EHMT2: variants seen among roughly 807,000 people sequenced by gnomAD.
The protein encoded by EHMT2 is euchromatic histone lysine methyltransferase 2.
In EHMT2, 59 loss-of-function variants were observed where a neutral mutation model predicts 143.3. The ratio of observed to expected loss-of-function variants is 0.41; its 90% CI spans 0.33 to 0.51. The LOEUF (loss-of-function observed/expected upper bound fraction) is 0.51, where lower values mean the gene tolerates loss of function less well. EHMT2 is among the 20% of genes least tolerant of loss of function. The probability of loss-of-function intolerance (pLI) is 0.18; values close to 1 mark genes in which losing one functional copy is unlikely to be tolerated. For missense variants in EHMT2, 1,174 were observed against 1,645.9 expected (o/e 0.71, Z 4.96); for synonymous variants, 604 against 651.5 (o/e 0.93, Z 1.11).
At position 31,880,884 on chromosome 6, in the gene EHMT2, C is replaced by A; in HGVS notation, c.3277-36G>T. 3 of 1,611,316 alleles carry A rather than the reference C, an allele frequency of 1.9e-6. No homozygotes were observed. The highest frequency in any genetic ancestry group is 2.5e-6 in the Non-Finnish European group (3 of 1,178,494). On this transcript the variant is annotated intron_variant, in intron 26 of 27. Transcript: ENST00000375537. This position sits in a 1 kb window ranked among gnomAD's most constrained non-coding sequence, Gnocchi z 6.6. ...GGGATGGCACTCTTCACATCTCCCC[C>A]GACCCTGCTTGCCCTCCCCACCCAC...
chr6:31,879,932 G>A (rs1486663591), exon 28 of EHMT2: 4 of 938,376 alleles, frequency 4.3e-6, no homozygotes, highest in Non-Finnish European at 6.3e-6. Context: ...AGACCTCCAG[G>A]GCCTGGCTGG....
Position 31,883,132 on chromosome 6 carries a change from A to T in EHMT2, c.2995-123T>A. ...TTGGGGAGGTCACACAGGCTCTGAG[A>T]TCCGAGAGCACGAAATGCAGGAGCA... On this transcript the variant is annotated intron_variant, in intron 23 of 27. Coordinates refer to ENST00000375537, the Ensembl canonical transcript of EHMT2. This position sits in a 1 kb window ranked among gnomAD's most constrained non-coding sequence, Gnocchi z 5.6. 1 of 938,426 alleles carries T rather than the reference A, an allele frequency of 1.1e-6. No homozygotes were observed. Among genetic ancestry groups the T allele is most frequent in the Non-Finnish European group, 1.7e-6 (1 of 600,082 alleles). 58.1% of individuals were successfully genotyped at this position (938,426 alleles called of 1,614,324 possible).
At chr6:31,894,136 G>A (rs546974056) in intron 4 of EHMT2, among the ~76,000 whole-genome samples, 2 of 151,526 alleles carry the variant, frequency 1.3e-5, no homozygotes, top group East Asian at 1.9e-4. Flanking sequence ...CACCACGCCC[G>A]GCTAATTTTT....
At chr6:31,892,623 G>C (rs1445511414) in intron 6 of EHMT2, 61 bp from the exon 7 acceptor site, 1 of 1,612,576 alleles carries the variant, frequency 6.2e-7, no homozygotes, top group Admixed American at 1.7e-5. Context: ...CTGAGGATGG[G>C]ATGCAGCCCC....
rs994782123 is a variant in EHMT2, at chr6:31,883,826, G to A, written c.2896C>T (p.Arg966Cys). The change falls in exon 22 of 28, where the codon CGC becomes TGC. Residue 966 changes from arginine to cysteine, a missense_variant. Physicochemically the swap from Arg to Cys is radical, Grantham distance 180 (BLOSUM62 -3). Transcript: ENST00000375537. The surrounding 1 kb of genome is among the most constrained non-coding windows in gnomAD (Gnocchi z 5.6). ...CTCACCTGCAGGTGGGTGATGTTGC[G>A]ATCGATGTTCATGGTGGACGTCTCG... The A allele has an allele frequency of 6.8e-6, 11 of 1,613,942 alleles. No homozygotes were observed. Among genetic ancestry groups the A allele is most frequent in the South Asian group, 2.2e-5 (2 of 91,062 alleles).
At position 31,884,452 on chromosome 6, in the gene EHMT2, T is replaced by C; in HGVS notation, c.2711A>G (p.Asn904Ser). The change falls in exon 21 of 28, where the codon AAC (asparagine) becomes AGC (serine). Residue 904 changes from asparagine (N) to serine (S), a missense_variant. Asn to Ser is a conservative substitution (Grantham distance 46, BLOSUM62 1). This residue lies in a region of EHMT2 where 608 missense variants were observed against 903.7 expected (regional missense o/e 0.67). Coordinates refer to ENST00000375537, the Ensembl canonical transcript of EHMT2. This position sits in a 1 kb window ranked among gnomAD's most constrained non-coding sequence, Gnocchi z 7.3. Reference sequence around the variant, plus strand: ...TCCCACCCCAAGTCGGAGCTTGCGGTTGAGTTGAAGCGCAAACCACACGTC... The same window carrying C: ...TCCCACCCCAAGTCGGAGCTTGCGGCTGAGTTGAAGCGCAAACCACACGTC... 1 of 1,612,766 alleles carries C rather than the reference T, an allele frequency of 6.2e-7. No individual in the cohort carries two copies.
chr6:31,895,425 A>C (rs574978312), intron 4 of EHMT2: 1 of 150,216 alleles, frequency 6.7e-6, no homozygotes, highest in African/African-American at 2.4e-5. Context: ...AGCAGGGCTA[A>C]CTCCTACGCA....
Position 31,896,387 on chromosome 6 carries a change from C to G in EHMT2, c.458G>C (p.Ser153Thr), listed in dbSNP as rs768716509. The change falls in exon 4 of 28, where the codon AGT becomes ACT. Residue 153 changes from serine (S) to threonine (T), a missense_variant. Coordinates refer to ENST00000375537, the Ensembl canonical transcript of EHMT2. ...TGCAGCTCCCTGGGCTCCTGGCATA[C>G]TCAGTAGCCTCATAGCCAAACTCTG... The G allele has an allele frequency of 8.1e-6, 13 of 1,612,942 alleles. No homozygotes were observed. In the Admixed American group the frequency reaches 1.8e-4, roughly 23 times the overall value.
At position 31,892,362 on chromosome 6, in the gene EHMT2, C is replaced by T. The variant is rs765580179; in HGVS notation, c.864+45G>A. 29 of 1,600,686 alleles carry T rather than the reference C, an allele frequency of 1.8e-5. No homozygotes were observed. The East Asian group carries it at 5.8e-4, about 32-fold the overall frequency. ...AGGAGGACTGGACAGTGAGCCCCAG[C>T]CCTGGGGGAGCACCGGCGGGGAGGG... On this transcript the variant is annotated intron_variant, in intron 7 of 27. Transcript: ENST00000375537.
chr6:31,883,318 G>C lies in EHMT2; in HGVS notation c.2994+44C>G, dbSNP rs574166164. Reference sequence around the variant, plus strand: ...TGGTTTATTGGAGGCTGGCTCCTCTGAAGGAGGGGCCGGGTGTCTGTGGCC... The same window carrying C: ...TGGTTTATTGGAGGCTGGCTCCTCTCAAGGAGGGGCCGGGTGTCTGTGGCC... On this transcript the variant is annotated intron_variant, in intron 23 of 27. Transcript: ENST00000375537. This position sits in a 1 kb window ranked among gnomAD's most constrained non-coding sequence, Gnocchi z 5.6. The C allele has an allele frequency of 8.2e-6, 13 of 1,589,378 alleles. No homozygotes were observed. In the East Asian group the frequency reaches 2.9e-4, roughly 36 times the overall value.
chr6:31,891,395 T>C (rs985151499), intron 7 of EHMT2, among the ~76,000 whole-genome samples: 5 of 152,222 alleles, frequency 3.3e-5, no homozygotes, highest in Non-Finnish European at 7.3e-5. Flanking sequence ...AAAACAGTAG[T>C]GTAATGATGT....
chr6:31,896,996 G>A lies in EHMT2; in HGVS notation c.43-7C>T, dbSNP rs756907267. On this transcript the variant is annotated splice_polypyrimidine_tract_variant and splice_region_variant and intron_variant, in intron 1 of 27. Coordinates refer to ENST00000375537, the Ensembl canonical transcript of EHMT2. ...TCTCAGCGGGGGCCTCCCCCTGGGAGGGGAGACAAGGGACAGGAGGGCTGG... is the reference window on the plus strand; with the variant it reads ...TCTCAGCGGGGGCCTCCCCCTGGGAAGGGAGACAAGGGACAGGAGGGCTGG... 3 of 1,561,156 alleles carry A rather than the reference G, an allele frequency of 1.9e-6. No homozygotes were observed. Among genetic ancestry groups the A allele is most frequent in the East Asian group, 2.2e-5 (1 of 44,676 alleles).
Position 31,884,289 on chromosome 6 carries a change from C to T in EHMT2, c.2771+103G>A. Reference sequence around the variant, plus strand: ...GGGTGGTTCTGGGGATTCAGTGGTGCATGGGGAGGGGTTGGGGAATGTTGT... The same window carrying T: ...GGGTGGTTCTGGGGATTCAGTGGTGTATGGGGAGGGGTTGGGGAATGTTGT... On this transcript the variant is annotated intron_variant, in intron 21 of 27. Coordinates refer to ENST00000375537, the Ensembl canonical transcript of EHMT2. The surrounding 1 kb of genome is among the most constrained non-coding windows in gnomAD (Gnocchi z 7.3). The T allele has an allele frequency of 7.4e-7, 1 of 1,345,046 alleles. No homozygotes were observed. Among genetic ancestry groups the T allele is most frequent in the Non-Finnish European group, 1.0e-6 (1 of 994,492 alleles). The allele number at this position is 1,345,046 out of a possible 1,614,324, so 83.3% of individuals were successfully genotyped here. A position where few individuals can be genotyped will look rare whatever the true frequency, so the allele number is the denominator to read the frequency against.
chr6:31,890,219 C>T (rs1370754217), intron 7 of EHMT2, among the ~76,000 whole-genome samples: 2 of 152,004 alleles, frequency 1.3e-5, no homozygotes, highest in Non-Finnish European at 1.5e-5. Flanking sequence ...TGTAGGACAA[C>T]TGAGCTGGTT....
Position 31,888,898 on chromosome 6 carries a change from C to T in EHMT2, c.1216+71G>A. 2.0e-6 allele frequency: 3 copies of T among 1,509,272 alleles called. No homozygotes were observed. Among genetic ancestry groups the T allele is most frequent in the African/African-American group, 1.4e-5 (1 of 72,470 alleles). 93.5% of individuals were successfully genotyped at this position (1,509,272 alleles called of 1,614,324 possible). ...GGACACCCCGGCTCTGGCGTGGTTC[C>T]CCTCCTTCCCTTTCCCTCCTGCCCT... On this transcript the variant is annotated intron_variant, in intron 10 of 27. Transcript: ENST00000375537. This position sits in a 1 kb window ranked among gnomAD's most constrained non-coding sequence, Gnocchi z 7.4.
chr6:31,889,152 C>T lies in EHMT2; in HGVS notation c.1114+76G>A, dbSNP rs974002718. The T allele has an allele frequency of 3.1e-5, 47 of 1,524,008 alleles. 1 individual carries two copies. The highest frequency in any genetic ancestry group is 1.8e-4 in the South Asian group (15 of 85,492). The allele number at this position is 1,524,008 out of a possible 1,614,324, so 94.4% of individuals were successfully genotyped here. A position where few individuals can be genotyped will look rare whatever the true frequency, so the allele number is the denominator to read the frequency against. On this transcript the variant is annotated intron_variant, in intron 9 of 27. Coordinates refer to ENST00000375537, the Ensembl canonical transcript of EHMT2. The surrounding 1 kb of genome is among the most constrained non-coding windows in gnomAD (Gnocchi z 5.1). ...GTACATGCAGGTGGACATGCGAGAG[C>T]GTGTGTGTGCGTGCACACACTCTGG... is the stretch of plus-strand genomic sequence containing the variant.
intron 1 of EHMT2, chr6:31,897,196 C>A: frequency 7.9e-7 from 1 of 1,269,754 alleles, no homozygotes; most frequent in Non-Finnish European, 1.0e-6. Flanking sequence ...CTCGGTAGAC[C>A]CCGCATCTCT....
intron 5 of EHMT2, 23 bp from the exon 6 acceptor site, chr6:31,892,757 G>T: frequency 6.2e-7 from 1 of 1,613,106 alleles, no homozygotes; most frequent in Non-Finnish European, 8.5e-7. Context: ...AGAGAATGGT[G>T]TGGGGCCTAT....
chr6:31,890,119 G>A (rs1020263786), intron 7 of EHMT2, among the ~76,000 whole-genome samples: 3 of 152,022 alleles, frequency 2.0e-5, no homozygotes, highest in Admixed American at 6.5e-5. Flanking sequence ...AGCTGATTCC[G>A]CCTCTAGATC....
Sources: gnomAD v4.1 joint callset for allele counts (sites outside exome capture counted in the v4.1 genomes callset) on GRCh38, gnomAD v4.1.1 for gene constraint, gnomAD v4.1.1 regional missense constraint, Gnocchi (gnomAD v3.1) non-coding constraint, MANE v1.5 for transcripts, NCBI Gene and HGNC (gene_info 2026-07-23, HGNC 2026-07-21) for gene names.